The following DCUN1D4 variants were observed in gnomAD, a reference collection of about 807,000 sequenced individuals.
DCUN1D4 encodes the protein DCN1-like protein 4.
DCUN1D4 carries 22 observed loss-of-function variants against 47.9 expected under a neutral mutation model. The observed-to-expected ratio is 0.46, with a 90% CI of 0.33 to 0.66. The LOEUF (loss-of-function observed/expected upper bound fraction) is 0.66, where lower values mean the gene tolerates loss of function less well. DCUN1D4 is among the 30% of genes least tolerant of loss of function. DCUN1D4 has a pLI of 0.02. For missense variants in DCUN1D4, 301 were observed against 340.8 expected (o/e 0.88, Z 0.92); for synonymous variants, 121 against 112.2 (o/e 1.08, Z -0.50).
At position 51,916,547 on chromosome 4, in the gene DCUN1D4, T is replaced by A. The variant is rs1734342349; in HGVS notation, c.*2963T>A. 2 of 152,610 alleles carry A rather than the reference T, an allele frequency of 1.3e-5. No homozygotes were observed. The highest frequency in any genetic ancestry group is 3.8e-4 in the East Asian group (2 of 5,204). 9.5% of individuals were successfully genotyped at this position (152,610 alleles called of 1,614,324 possible). On this transcript the variant is annotated 3_prime_UTR_variant, in exon 11 of 11. Coordinates refer to ENST00000334635, the MANE Select transcript of DCUN1D4 (RefSeq NM_001040402.3). Reference sequence around the variant, plus strand: ...AAATGTATAGATTTCATTGACCAACTAAAATGTTGGGTGTCTGTAAATGAG... The same window carrying A: ...AAATGTATAGATTTCATTGACCAACAAAAATGTTGGGTGTCTGTAAATGAG...
intron 1 of DCUN1D4, among the ~76,000 whole-genome samples, chr4:51,862,819 G>A (rs1027703768): frequency 1.3e-5 from 2 of 151,742 alleles, no homozygotes; most frequent in Admixed American, 6.6e-5. Context: ...GACCAGCCTG[G>A]GAAACATAGA....
At chr4:51,881,867 A>T (rs1304342563) in intron 5 of DCUN1D4, among the ~76,000 whole-genome samples, 1 of 152,106 alleles carries the variant, frequency 6.6e-6, no homozygotes. Flanking sequence ...CATGGGAAAG[A>T]TGAGAAGAAA....
chr4:51,913,269 T>A (rs1733970445), intron 9 of DCUN1D4, 21 bp from the exon 10 acceptor site: 1 of 1,454,918 alleles, frequency 6.9e-7, no homozygotes, highest in African/African-American at 1.4e-5. Context: ...CAGTAATTCA[T>A]ATTACTTTTC....
intron 3 of DCUN1D4, among the ~76,000 whole-genome samples, chr4:51,866,459 C>G (rs574409550): frequency 1.2e-4 from 18 of 152,094 alleles, no homozygotes; most frequent in African/African-American, 4.1e-4. Context: ...CACTTTTCCA[C>G]TCAGTATATC....
At chr4:51,852,711 T>A (rs1429850004) in intron 1 of DCUN1D4, among the ~76,000 whole-genome samples, 1 of 152,222 alleles carries the variant, frequency 6.6e-6, no homozygotes, top group African/African-American at 2.4e-5. Flanking sequence ...AGCACTGTGC[T>A]AAGTGCTTGA....
the DCUN1D4 span, among the ~76,000 whole-genome samples, chr4:51,834,074 C>T: frequency 5.8e-4 from 61 of 106,008 alleles, no homozygotes; most frequent in African/African-American, 2.1e-3. Flanking sequence ...CTCTCTCTCT[C>T]TCTCTCTCTC....
intron 1 of DCUN1D4, 89 bp downstream of exon 1, chr4:51,843,356 G>T (rs1313581189): frequency 7.0e-7 from 1 of 1,424,492 alleles, no homozygotes. Flanking sequence ...CCACGCCTCG[G>T]GTCCCGAAAC....
intron 3 of DCUN1D4, among the ~76,000 whole-genome samples, chr4:51,872,441 A>C (rs1013927415): frequency 6.6e-6 from 1 of 151,826 alleles, no homozygotes; most frequent in South Asian, 2.1e-4. Context: ...TCTGGCCTGC[A>C]CTCCCACCAA....
chr4:51,909,576 G>C (rs1226724045), intron 8 of DCUN1D4: 2 of 153,408 alleles, frequency 1.3e-5, no homozygotes, highest in African/African-American at 4.8e-5. Flanking sequence ...CTCTTCTCCT[G>C]TCCTCTTCTC....
intron 4 of DCUN1D4, 108 bp downstream of exon 4, chr4:51,874,493 G>T: frequency 1.6e-6 from 1 of 623,664 alleles, no homozygotes; most frequent in African/African-American, 1.9e-5. Context: ...CAAGTGGAAT[G>T]GGCTTTGCCA....
intron 1 of DCUN1D4, among the ~76,000 whole-genome samples, chr4:51,849,423 T>A (rs1369156838): frequency 1.3e-5 from 2 of 152,200 alleles, no homozygotes; most frequent in Non-Finnish European, 2.9e-5. Flanking sequence ...CTTTTCTGTT[T>A]AAATTACCTA....
chr4:51,887,946 A>C (rs1729772923), intron 6 of DCUN1D4, among the ~76,000 whole-genome samples: 1 of 148,610 alleles, frequency 6.7e-6, no homozygotes, highest in Non-Finnish European at 1.5e-5. Flanking sequence ...CAGGTATTTC[A>C]ATAAATTACC....
chr4:51,842,219 T>C (rs1236401094), upstream of DCUN1D4, among the ~76,000 whole-genome samples: 1 of 152,126 alleles, frequency 6.6e-6, no homozygotes, highest in Non-Finnish European at 1.5e-5. Context: ...CAGGTTTTCT[T>C]AGATGCCGCC....
intron 8 of DCUN1D4, among the ~76,000 whole-genome samples, chr4:51,906,637 C>A (rs547913465): frequency 4.6e-5 from 7 of 152,152 alleles, no homozygotes; most frequent in Non-Finnish European, 7.4e-5. Context: ...GAAGGTAGGC[C>A]TGGGTGACAG....
At chr4:51,880,596 G>A (rs1182034149) in intron 5 of DCUN1D4, among the ~76,000 whole-genome samples, 1 of 152,080 alleles carries the variant, frequency 6.6e-6, no homozygotes, top group East Asian at 1.9e-4. Flanking sequence ...GCACATTCTA[G>A]GATGCAGCTT....
chr4:51,908,701 A>T (rs1427592646), intron 8 of DCUN1D4, among the ~76,000 whole-genome samples: 1 of 151,814 alleles, frequency 6.6e-6, no homozygotes, highest in Non-Finnish European at 1.5e-5. Context: ...CATTAGGATC[A>T]TTGTTGTCAG....
At chr4:51,839,699 C>A (rs1045641149), upstream of DCUN1D4, among the ~76,000 whole-genome samples, 1 of 152,136 alleles carries the variant, frequency 6.6e-6, no homozygotes, top group Non-Finnish European at 1.5e-5. Context: ...CAAATTAATT[C>A]CTCTCTGTCC....
chr4:51,881,540 G>T (rs1728621235), intron 5 of DCUN1D4, among the ~76,000 whole-genome samples: 1 of 152,044 alleles, frequency 6.6e-6, no homozygotes, highest in Non-Finnish European at 1.5e-5. Context: ...GCTTAAGATG[G>T]CAGGGAAAGT....
rs573621361 is a variant in DCUN1D4, at chr4:51,850,311, T to C, written c.25+7044T>C. Among the ~76,000 whole-genome samples, 3 of 152,332 alleles carry C rather than the reference T, an allele frequency of 2.0e-5. No homozygotes were observed. In the South Asian group the frequency reaches 6.2e-4, roughly 32 times the overall value. On this transcript the variant is annotated intron_variant, in intron 1 of 10. Transcript: ENST00000334635. ...GTGTCTTGAGTTAGATGACTTGTTC[T>C]GGTGAGCGGCTTTCCAGTGGATGGC...
Sources: allele counts gnomAD v4.1 joint callset (sites outside exome capture counted in the v4.1 genomes callset), GRCh38; gene constraint gnomAD v4.1.1; transcripts MANE v1.5; gene names NCBI Gene and HGNC (gene_info 2026-07-23, HGNC 2026-07-21).